ASCC3: variants seen among roughly 807,000 people sequenced by gnomAD.
ASCC3 encodes the protein activating signal cointegrator 1 complex subunit 3.
A neutral mutation model predicts 256.3 loss-of-function variants in ASCC3; 158 were observed. The ratio of observed to expected loss-of-function variants is 0.62; its 90% CI spans 0.54 to 0.70. The LOEUF is 0.70. Among genes scored for constraint, ASCC3 ranks in the 30% least tolerant of loss-of-function variants. ASCC3 has a pLI of 0.00. For synonymous variants in ASCC3, 948 were observed against 883.4 expected (o/e 1.07, Z -1.30); for missense variants, 2,259 against 2,626.0 (o/e 0.86, Z 3.05).
chr6:100,644,159 G>GCT, intron 22 of ASCC3, 30 bp from the exon 23 acceptor site: 1 of 1,436,752 alleles, frequency 7.0e-7, no homozygotes, highest in Non-Finnish European at 9.8e-7. Flanking sequence ...CTGCTACTAT[G>GCT]CATATCATAA....
At chr6:100,584,343 G>A (rs898509572) in intron 36 of ASCC3, among the ~76,000 whole-genome samples, 9 of 151,650 alleles carry the variant, frequency 5.9e-5, no homozygotes, top group Non-Finnish European at 1.0e-4. Flanking sequence ...ATTATGTAAT[G>A]GCCTTCTTTG....
intron 10 of ASCC3, among the ~76,000 whole-genome samples, chr6:100,764,781 C>T (rs1354044838): frequency 2.6e-5 from 4 of 152,130 alleles, no homozygotes; most frequent in African/African-American, 9.7e-5. Context: ...GCCTCACCTC[C>T]AACTACAATT....
chr6:100,671,145 C>G (rs1229349657), intron 14 of ASCC3, among the ~76,000 whole-genome samples: 3 of 151,994 alleles, frequency 2.0e-5, no homozygotes, highest in Non-Finnish European at 4.4e-5. Flanking sequence ...GGTTGTTGTA[C>G]AAATCTTTCC....
chr6:100,766,899 T>G (rs1166071517), intron 9 of ASCC3, among the ~76,000 whole-genome samples, 194 bp from the exon 10 acceptor site: 1 of 152,232 alleles, frequency 6.6e-6, no homozygotes, highest in Non-Finnish European at 1.5e-5. Flanking sequence ...CAATAGAATT[T>G]GTTTACACAG....
chr6:100,777,162 A>G (rs1782230762), intron 8 of ASCC3, among the ~76,000 whole-genome samples: 1 of 152,138 alleles, frequency 6.6e-6, no homozygotes, highest in South Asian at 2.1e-4. Context: ...AGATGATCAG[A>G]TGATTTTCTT....
chr6:100,714,297 TAAAG>T (rs1778991003), intron 13 of ASCC3, among the ~76,000 whole-genome samples: 1 of 152,168 alleles, frequency 6.6e-6, no homozygotes, highest in African/African-American at 2.4e-5. Flanking sequence ...TTTTTTAATT[TAAAG>T]AAAGAATATT....
intron 10 of ASCC3, among the ~76,000 whole-genome samples, chr6:100,736,061 T>G (rs1395518548): frequency 6.6e-6 from 1 of 152,204 alleles, no homozygotes; most frequent in African/African-American, 2.4e-5. Flanking sequence ...CCACAATGCC[T>G]GGAAGTGGTC....
chr6:100,800,862 T>A (rs1769881559), intron 5 of ASCC3, among the ~76,000 whole-genome samples: 1 of 151,600 alleles, frequency 6.6e-6, no homozygotes, highest in South Asian at 2.1e-4. Context: ...CGATAATAAT[T>A]AGCATTTACT....
intron 4 of ASCC3, among the ~76,000 whole-genome samples, chr6:100,840,089 C>G (rs1048115907): frequency 6.6e-6 from 1 of 152,006 alleles, no homozygotes; most frequent in Non-Finnish European, 1.5e-5. Flanking sequence ...AATGAATAAC[C>G]TAAAATAGCA....
Position 100,590,030 on chromosome 6 carries a change from T to A in ASCC3, c.5333A>T (p.Asp1778Val), listed in dbSNP as rs1167905382. Reference sequence around the variant, plus strand: ...ATGGGACAGAAACTTGTTCACAGAATCATGGCTCACATCACCCAAATTGTA... The same window carrying A: ...ATGGGACAGAAACTTGTTCACAGAAACATGGCTCACATCACCCAAATTGTA... Reference protein sequence around the residue: ...SYYNLGDVSHDSVNKFLSHLI... With the variant: ...SYYNLGDVSHVSVNKFLSHLI... Residue 1778 changes from aspartate to valine, a missense_variant, in exon 35 of 42, where the codon GAT becomes GTT. Coordinates refer to ENST00000369162, the MANE Select transcript of ASCC3 (RefSeq NM_006828.4). 4 of 1,613,638 alleles carry A rather than the reference T, an allele frequency of 2.5e-6. No individual in the cohort carries two copies. Among genetic ancestry groups the A allele is most frequent in the Middle Eastern group, 1.7e-4 (1 of 6,052 alleles).
At position 100,805,781 on chromosome 6, in the gene ASCC3, G is replaced by A; in HGVS notation, c.901C>T (p.His301Tyr). ...TTACCTTGAAGAGCCTGAAACCTATGATCATTTGAAGAATTAAGAAATCTA... is the reference window on the plus strand; with the variant it reads ...TTACCTTGAAGAGCCTGAAACCTATAATCATTTGAAGAATTAAGAAATCTA... ...VDRFLNSSND[H>Y]RFQALQDNCK... The change falls in exon 5 of 42, where the codon CAT (histidine) becomes TAT (tyrosine). Residue 301 changes from histidine to tyrosine, a missense_variant. Physicochemically the swap from His to Tyr is moderately conservative, Grantham distance 83 (BLOSUM62 2). Transcript: ENST00000369162. 1.2e-6 allele frequency: 2 copies of A among 1,611,070 alleles called. No individual in the cohort carries two copies. Among genetic ancestry groups the A allele is most frequent in the Non-Finnish European group, 1.7e-6 (2 of 1,178,562 alleles).
chr6:100,527,870 GCT>G (rs891036560), intron 37 of ASCC3, among the ~76,000 whole-genome samples: 7 of 148,332 alleles, frequency 4.7e-5, no homozygotes, highest in African/African-American at 1.8e-4. Flanking sequence ...ATGGCATCTC[GCT>G]CTGTCACCCA....
At chr6:100,583,816 C>A (rs1331896955) in intron 36 of ASCC3, among the ~76,000 whole-genome samples, 1 of 152,110 alleles carries the variant, frequency 6.6e-6, no homozygotes, top group Non-Finnish European at 1.5e-5. Context: ...CAAAGAACAT[C>A]TTTATTTCTG....
intron 9 of ASCC3, 136 bp from the exon 10 acceptor site, chr6:100,766,841 T>C: frequency 1.9e-6 from 2 of 1,079,514 alleles, no homozygotes; most frequent in Admixed American, 2.1e-5. Flanking sequence ...AATAGTGATA[T>C]ATTAAAAGTC....
chr6:100,737,208 A>T (rs1340160596), intron 10 of ASCC3, among the ~76,000 whole-genome samples: 1 of 134,858 alleles, frequency 7.4e-6, no homozygotes, highest in Non-Finnish European at 1.6e-5. Context: ...TAAATTGAAC[A>T]TTCTATGATC....
chr6:100,561,962 C>T (rs1458076299), intron 36 of ASCC3, among the ~76,000 whole-genome samples: 1 of 152,094 alleles, frequency 6.6e-6, no homozygotes, highest in East Asian at 1.9e-4. Context: ...GAGTTACACA[C>T]AAAACAACGA....
Position 100,662,403 on chromosome 6 carries a change from A to G in ASCC3, c.2420T>C (p.Val807Ala). The change falls in exon 15 of 42, where the codon GTG becomes GCG. Residue 807 changes from valine (V) to alanine (A), a missense_variant. Physicochemically the swap from Val to Ala is moderately conservative, Grantham distance 64. Transcript: ENST00000369162. ...LFSNGHIKVL[V>A]CTATLAWGVN... ...ACCCCAGGCTAACGTAGCTGTACAC[A>G]CTAGGACTTTGATATGCCCATTAGA... 2 of 1,613,338 alleles carry G rather than the reference A, an allele frequency of 1.2e-6. No individual in the cohort carries two copies. Among genetic ancestry groups the G allele is most frequent in the African/African-American group, 2.7e-5 (2 of 74,984 alleles).
chr6:100,686,873 C>G (rs1160677707), intron 13 of ASCC3, among the ~76,000 whole-genome samples: 1 of 151,874 alleles, frequency 6.6e-6, no homozygotes, highest in African/African-American at 2.4e-5. Flanking sequence ...TTTGTTGGTC[C>G]TTTTTGTATA....
chr6:100,545,230 T>C (rs554200146), intron 36 of ASCC3, among the ~76,000 whole-genome samples: 21 of 152,128 alleles, frequency 1.4e-4, no homozygotes, highest in Non-Finnish European at 2.2e-4. Context: ...CAGGCTGGAG[T>C]GCAGTGGCAC....
Sources: allele counts gnomAD v4.1 joint callset (sites outside exome capture counted in the v4.1 genomes callset), GRCh38; gene constraint gnomAD v4.1.1; transcripts MANE v1.5; gene names NCBI Gene and HGNC (gene_info 2026-07-23, HGNC 2026-07-21).